The following NDC1 variants were observed in gnomAD, a reference collection of about 807,000 sequenced individuals.
The protein encoded by NDC1 is nucleoporin NDC1.
In NDC1, 24 loss-of-function variants were observed where a neutral mutation model predicts 89.8. That is an observed-to-expected ratio of 0.27 (90% CI 0.19 to 0.38). The LOEUF is 0.38. Ranked by LOEUF, NDC1 falls within the 10% of genes least tolerant of loss-of-function variation. NDC1 has a pLI of 1.00. For synonymous variants in NDC1, 296 were observed against 284.8 expected (o/e 1.04, Z -0.39); for missense variants, 728 against 797.6 (o/e 0.91, Z 1.05).
At chr1:53,835,473 T>G in intron 2 of NDC1, 27 bp downstream of exon 2, 3 of 1,585,880 alleles carry the variant, frequency 1.9e-6, no homozygotes, top group Non-Finnish European at 2.6e-6. Flanking sequence ...GTCCTATAAC[T>G]TTCTCCCCAA....
chr1:53,768,552 G>A (rs1250642400), intron 17 of NDC1, among the ~76,000 whole-genome samples: 1 of 152,056 alleles, frequency 6.6e-6, no homozygotes, highest in African/African-American at 2.4e-5. Flanking sequence ...TGAACACTGT[G>A]TTCTCTCTCC....
intron 5 of NDC1, among the ~76,000 whole-genome samples, chr1:53,820,401 G>C (rs985113075): frequency 1.3e-5 from 2 of 152,050 alleles, no homozygotes; most frequent in Admixed American, 1.3e-4. Context: ...ATCGGGGAGT[G>C]GGGAGGGATA....
intron 16 of NDC1, among the ~76,000 whole-genome samples, chr1:53,773,737 CAGG>C (rs1158196846): frequency 6.6e-6 from 1 of 152,192 alleles, no homozygotes; most frequent in Non-Finnish European, 1.5e-5. Context: ...ATCCTGACTA[CAGG>C]GCCTGCCCCA....
chr1:53,833,027 G>A (rs528243581), intron 2 of NDC1, among the ~76,000 whole-genome samples: 1 of 151,672 alleles, frequency 6.6e-6, no homozygotes, highest in Admixed American at 6.6e-5. Flanking sequence ...CAAAGGGGGG[G>A]AGAAAAAAGG....
At chr1:53,829,767 G>A (rs1239216612) in intron 3 of NDC1, among the ~76,000 whole-genome samples, 1 of 152,242 alleles carries the variant, frequency 6.6e-6, no homozygotes, top group Non-Finnish European at 1.5e-5. Context: ...ATATGGGAGA[G>A]TATGAAAGAA....
intron 14 of NDC1, among the ~76,000 whole-genome samples, chr1:53,789,642 A>AT (rs1647418179): frequency 6.6e-6 from 1 of 151,424 alleles, no homozygotes; most frequent in Non-Finnish European, 1.5e-5. Context: ...TACTAAAAAT[A>AT]CAAAAAATTA....
chr1:53,772,191 A>G (rs950203962), intron 17 of NDC1, 138 bp downstream of exon 17: 22 of 729,338 alleles, frequency 3.0e-5, no homozygotes, highest in African/African-American at 2.3e-4. Context: ...GTCCACATCC[A>G]AGCTGTAAGT....
intron 3 of NDC1, 76 bp downstream of exon 3, chr1:53,832,414 A>G: frequency 1.3e-6 from 1 of 747,750 alleles, no homozygotes. Flanking sequence ...ACACATTCAC[A>G]TATAAAATGT....
intron 3 of NDC1, 55 bp from the exon 4 acceptor site, chr1:53,828,228 G>T (rs1648938432): frequency 6.6e-7 from 1 of 1,507,038 alleles, no homozygotes; most frequent in Non-Finnish European, 9.1e-7. Context: ...TGCAGTTAGA[G>T]GATCTAAACT....
chr1:53,793,136 T>C, intron 14 of NDC1, 93 bp downstream of exon 14: 1 of 1,127,562 alleles, frequency 8.9e-7, no homozygotes, highest in South Asian at 1.3e-5. Flanking sequence ...GATTAAGCTA[T>C]AAAATATTTA....
At chr1:53,826,896 A>ATATTTG (rs1557589513) in intron 4 of NDC1, among the ~76,000 whole-genome samples, 3 of 152,194 alleles carry the variant, frequency 2.0e-5, no homozygotes, top group Non-Finnish European at 4.4e-5. Flanking sequence ...ATCAGGAAAT[A>ATATTTG]TATTTGTAAT....
At chr1:53,826,265 G>T (rs1378943035) in intron 4 of NDC1, among the ~76,000 whole-genome samples, 1 of 152,216 alleles carries the variant, frequency 6.6e-6, no homozygotes, top group Non-Finnish European at 1.5e-5. Context: ...ACCTGATAGA[G>T]ATGCCATAAC....
intron 13 of NDC1, among the ~76,000 whole-genome samples, chr1:53,796,426 CT>C (rs1647700996): frequency 1.3e-5 from 2 of 152,024 alleles, no homozygotes; most frequent in Admixed American, 6.6e-5. Context: ...GTTTTGTTTG[CT>C]TTTTTCCCAG....
At chr1:53,828,961 T>C (rs1016610529) in intron 3 of NDC1, among the ~76,000 whole-genome samples, 1 of 152,134 alleles carries the variant, frequency 6.6e-6, no homozygotes. Flanking sequence ...TGTCAATATA[T>C]AATCCACTTA....
intron 16 of NDC1, among the ~76,000 whole-genome samples, chr1:53,777,989 G>A (rs985724950): frequency 6.6e-6 from 1 of 151,962 alleles, no homozygotes; most frequent in South Asian, 2.1e-4. Flanking sequence ...GTGTGCCACC[G>A]CGCCCGGAGA....
At chr1:53,776,176 C>T (rs1339399221) in intron 16 of NDC1, among the ~76,000 whole-genome samples, 2 of 151,894 alleles carry the variant, frequency 1.3e-5, no homozygotes, top group African/African-American at 2.4e-5. Flanking sequence ...AGGCTGGTCT[C>T]GAACTCCTGA....
At chr1:53,802,778 C>T (rs1647965720) in intron 10 of NDC1, among the ~76,000 whole-genome samples, 2 of 152,176 alleles carry the variant, frequency 1.3e-5, no homozygotes, top group Non-Finnish European at 2.9e-5. Context: ...GGCAAAGTCA[C>T]AGTCTTGAAC....
At position 53,828,118 on chromosome 1, in the gene NDC1, A is replaced by T. The variant is rs1305560176; in HGVS notation, c.336T>A (p.Pro112=). 1 of 1,614,180 alleles carries T rather than the reference A, an allele frequency of 6.2e-7. No individual in the cohort carries two copies. Among genetic ancestry groups the T allele is most frequent in the South Asian group, 1.1e-5 (1 of 91,084 alleles). ...RLALIGKIIH[P]QQLMHSFIHA... Reference sequence around the variant, plus strand: ...GAATAAATGAGTGCATGAGTTGCTGAGGATGAATGATCTTCCCTATCAGAG... The same window carrying T: ...GAATAAATGAGTGCATGAGTTGCTGTGGATGAATGATCTTCCCTATCAGAG... Residue 112 remains proline (P), a synonymous_variant, in exon 4 of 18, where the codon CCT becomes CCA. Coordinates refer to ENST00000371429, the MANE Select transcript of NDC1 (RefSeq NM_018087.5).
At chr1:53,804,491 T>C (rs962338702) in intron 9 of NDC1, among the ~76,000 whole-genome samples, 1 of 152,228 alleles carries the variant, frequency 6.6e-6, no homozygotes, top group African/African-American at 2.4e-5. Flanking sequence ...TTTTTCCTTT[T>C]TTTGAGACAA....
Sources: allele counts gnomAD v4.1 joint callset (sites outside exome capture counted in the v4.1 genomes callset), GRCh38; gene constraint gnomAD v4.1.1; transcripts MANE v1.5; gene names NCBI Gene and HGNC (gene_info 2026-07-23, HGNC 2026-07-21).